The following TNRC6B variants were observed in gnomAD, a reference collection of about 807,000 sequenced individuals.
TNRC6B encodes the protein trinucleotide repeat-containing gene 6B protein.
TNRC6B carries 52 observed loss-of-function variants against 203.6 expected under a neutral mutation model. That is an observed-to-expected ratio of 0.26 (90% CI 0.20 to 0.32). The LOEUF is 0.32. Among genes scored for constraint, TNRC6B ranks in the 10% least tolerant of loss-of-function variants. The pLI, the probability that TNRC6B is intolerant of heterozygous loss-of-function variation, is 1.00. For synonymous variants in TNRC6B, 838 were observed against 845.7 expected (o/e 0.99, Z 0.16); for missense variants, 1,923 against 2,286.2 (o/e 0.84, Z 3.24).
chr22:40,237,709 C>T (rs911152866), intron 1 of TNRC6B, among the ~76,000 whole-genome samples: 1 of 152,120 alleles, frequency 6.6e-6, no homozygotes, highest in Admixed American at 6.5e-5. Context: ...GGCCTGGTCA[C>T]TCATCTCCCA....
chr22:40,215,336 C>G (rs1438655119), intron 1 of TNRC6B, among the ~76,000 whole-genome samples: 1 of 152,190 alleles, frequency 6.6e-6, no homozygotes, highest in Non-Finnish European at 1.5e-5. Flanking sequence ...CCCCAAGCCC[C>G]CATTCTCTGT....
rs772109662 is a variant in TNRC6B, at chr22:40,080,094, C to CTTTT, written c.-121+35112_-121+35115dup. On this transcript the variant is annotated intron_variant, in intron 1 of 23. Coordinates refer to the TNRC6B transcript ENST00000301923. ...ACAGACGTGAGCCACCGTGCCTGGC[C>CTTTT]TTTTTTTTTTTTTTTTTTTGTGTAG... Among the ~76,000 whole-genome samples, 15 of 113,762 alleles carry CTTTT rather than the reference C, an allele frequency of 1.3e-4. 1 individual carries two copies. Among genetic ancestry groups the CTTTT allele is most frequent in the African/African-American group, 2.2e-4 (6 of 27,210 alleles). 74.6% of individuals were successfully genotyped at this position (113,762 alleles called of 152,430 possible).
At chr22:40,163,091 A>G (rs990613380) in intron 4 of TNRC6B, among the ~76,000 whole-genome samples, 1 of 151,964 alleles carries the variant, frequency 6.6e-6, no homozygotes, top group Non-Finnish European at 1.5e-5. Flanking sequence ...TTTTTCTTGG[A>G]TGCCTGGACC....
chr22:40,144,356 T>C (rs1256970350), intron 3 of TNRC6B, among the ~76,000 whole-genome samples: 1 of 152,204 alleles, frequency 6.6e-6, no homozygotes, highest in Non-Finnish European at 1.5e-5. Context: ...AGTTTGTCTG[T>C]GCAGTGGAAC....
chr22:40,136,529 A>G (rs945615082), intron 3 of TNRC6B, among the ~76,000 whole-genome samples: 1 of 151,432 alleles, frequency 6.6e-6, no homozygotes, highest in Non-Finnish European at 1.5e-5. Flanking sequence ...CCTCCCGTGT[A>G]GCTGGGACCA....
chr22:40,212,482 A>G (rs150850674), intron 1 of TNRC6B, among the ~76,000 whole-genome samples: 1,688 of 152,268 alleles, frequency 0.011, 16 homozygotes, highest in Non-Finnish European at 0.019. Context: ...CTTTGGGAAC[A>G]GATTAGTTTG....
chr22:40,236,003 A>C (rs976832374), intron 1 of TNRC6B, among the ~76,000 whole-genome samples: 2 of 152,364 alleles, frequency 1.3e-5, no homozygotes, highest in East Asian at 3.9e-4. Flanking sequence ...GTAGGTTCAC[A>C]TGCCAGAAGC....
intron 1 of TNRC6B, among the ~76,000 whole-genome samples, chr22:40,188,272 C>T (rs1024383254): frequency 1.3e-5 from 2 of 152,114 alleles, no homozygotes; most frequent in Non-Finnish European, 2.9e-5. Flanking sequence ...ACCTTGTTCA[C>T]ACTGGAGAGA....
intron 3 of TNRC6B, among the ~76,000 whole-genome samples, chr22:40,155,812 T>C (rs1056340296): frequency 2.6e-5 from 4 of 152,230 alleles, no homozygotes; most frequent in African/African-American, 9.6e-5. Flanking sequence ...TCAGTGAAAT[T>C]CCTGCTTGGT....
chr22:40,133,987 A>C (rs1008160229), intron 3 of TNRC6B, among the ~76,000 whole-genome samples: 3 of 150,888 alleles, frequency 2.0e-5, no homozygotes, highest in African/African-American at 7.3e-5. Context: ...AAAAAAAAAA[A>C]AAAAAAAAAA....
At chr22:40,252,032 A>G (rs1219488500) in intron 3 of TNRC6B, among the ~76,000 whole-genome samples, 3 of 152,142 alleles carry the variant, frequency 2.0e-5, no homozygotes, top group Admixed American at 6.6e-5. Flanking sequence ...GTCATTCTCA[A>G]TCTAATAGTC....
intron 1 of TNRC6B, among the ~76,000 whole-genome samples, chr22:40,211,946 TCTC>T (rs1404499902): frequency 2.6e-5 from 4 of 152,216 alleles, no homozygotes; most frequent in African/African-American, 9.6e-5. Context: ...GTCTGTCTCT[TCTC>T]CTGCTGGATA....
Position 40,270,257 on chromosome 22 carries a change from A to T in TNRC6B, c.2942A>T (p.Asn981Ile). The T allele has an allele frequency of 6.8e-7, 1 of 1,477,980 alleles. No homozygotes were observed. Among genetic ancestry groups the T allele is most frequent in the Non-Finnish European group, 9.0e-7 (1 of 1,108,478 alleles). The allele number at this position is 1,477,980 out of a possible 1,614,324, so 91.6% of individuals were successfully genotyped here. The change falls in exon 6 of 23, where the codon AAC becomes ATC. Residue 981 changes from asparagine to isoleucine, a missense_variant. Physicochemically the swap from Asn to Ile is moderately radical, Grantham distance 149. Coordinates refer to ENST00000454349, the MANE Select transcript of TNRC6B (RefSeq NM_001162501.2). ...STTGWGNTPA[N>I]APNAMKPNSK... ...ACAGGCTGGGGGAACACGCCCGCCA[A>T]CGCTCCCAATGCCATGAAGCCTAGT...
intron 5 of TNRC6B, among the ~76,000 whole-genome samples, chr22:40,268,731 G>GA (rs1393946705): frequency 1.3e-5 from 2 of 151,730 alleles, no homozygotes; most frequent in African/African-American, 2.4e-5. Flanking sequence ...CTAACACGGT[G>GA]AAACCCCGCC....
At chr22:40,270,308 G>C in intron 6 of TNRC6B, 28 bp downstream of exon 6, 1 of 1,347,194 alleles carries the variant, frequency 7.4e-7, no homozygotes, top group Non-Finnish European at 9.6e-7. Flanking sequence ...CATTTTTGAG[G>C]GATCCTTTTT....
chr22:40,106,046 A>G (rs1026525498), intron 1 of TNRC6B, among the ~76,000 whole-genome samples: 6 of 151,964 alleles, frequency 3.9e-5, no homozygotes, highest in African/African-American at 1.4e-4. Flanking sequence ...GCCTTTTCCT[A>G]TGTTTATTGG....
chr22:40,271,992 A>G (rs880379), intron 6 of TNRC6B, among the ~76,000 whole-genome samples: 111,259 of 151,794 alleles, frequency 0.73, 41,270 homozygotes, highest in East Asian at 0.99. Context: ...GTTTAGCTTT[A>G]TCTCTCTAAA....
chr22:40,112,841 A>G (rs570242420), intron 1 of TNRC6B, among the ~76,000 whole-genome samples: 1 of 152,314 alleles, frequency 6.6e-6, no homozygotes, highest in East Asian at 1.9e-4. Context: ...TGACTAGGCC[A>G]GGTGCAGTGT....
intron 1 of TNRC6B, among the ~76,000 whole-genome samples, chr22:40,183,088 A>T (rs2069156159): frequency 6.6e-6 from 1 of 152,114 alleles, no homozygotes; most frequent in South Asian, 2.1e-4. Context: ...GCAGGAGTGG[A>T]TGTTGAGTGA....
Sources: allele counts gnomAD v4.1 joint callset (sites outside exome capture counted in the v4.1 genomes callset), GRCh38; gene constraint gnomAD v4.1.1; transcripts MANE v1.5; gene names NCBI Gene and HGNC (gene_info 2026-07-23, HGNC 2026-07-21).